Variants in CNTD1 observed in about 807,000 individuals in gnomAD.
CNTD1 encodes the protein cyclin N-terminal domain containing 1.
CNTD1 carries 17 observed loss-of-function variants against 36.3 expected under a neutral mutation model. The observed-to-expected ratio is 0.47, with a 90% confidence interval of 0.32 to 0.70. The LOEUF (loss-of-function observed/expected upper bound fraction) is 0.70. Ranked by LOEUF, CNTD1 falls within the 30% of genes least tolerant of loss-of-function variation. The probability of loss-of-function intolerance (pLI) is 0.03; values close to 1 mark genes in which losing one functional copy is unlikely to be tolerated. For synonymous variants in CNTD1, 128 were observed against 153.3 expected (o/e 0.83, Z 1.22); for missense variants, 338 against 386.1 (o/e 0.88, Z 1.04).
rs1010960271 is a variant in CNTD1 at position 42,811,389 on chromosome 17, C to T, written c.*1854C>T. On this transcript the variant is annotated 3_prime_UTR_variant, in exon 7 of 7. Coordinates refer to ENST00000588408, the MANE Select transcript of CNTD1 (RefSeq NM_173478.3). ...TCCAAGGGCTTCAGGGAAAAACCTT[C>T]TTGAAACTGGAGAGGAGGCTTGAGC... is the stretch of plus-strand genomic sequence containing the variant. The T allele has an allele frequency of 5.5e-6, 2 of 366,462 alleles. No individual in the cohort carries two copies. Among genetic ancestry groups the T allele is most frequent in the African/African-American group, 4.2e-5 (2 of 47,836 alleles). 22.7% of individuals were successfully genotyped at this position (366,462 alleles called of 1,614,324 possible).
At chr17:42,805,666 C>A in intron 3 of CNTD1, 56 bp from the exon 4 acceptor site, 1 of 1,493,702 alleles carries the variant, frequency 6.7e-7, no homozygotes, top group Non-Finnish European at 9.2e-7. Context: ...TGCACTCTGT[C>A]AAGACGTATG....
At chr17:42,803,337 G>C (rs2054825099) in intron 1 of CNTD1, among the ~76,000 whole-genome samples, 1 of 152,198 alleles carries the variant, frequency 6.6e-6, no homozygotes, top group Non-Finnish European at 1.5e-5. Context: ...TGTGTAACTG[G>C]CCAAGCCTTT....
intron 5 of CNTD1, among the ~76,000 whole-genome samples, chr17:42,807,346 C>T (rs1052088159): frequency 2.0e-5 from 3 of 151,796 alleles, no homozygotes; most frequent in African/African-American, 4.8e-5. Flanking sequence ...ACCCAGGAGG[C>T]GGAGCTTGCA....
intron 6 of CNTD1, among the ~76,000 whole-genome samples, chr17:42,809,121 C>T (rs1282268284): frequency 1.3e-5 from 2 of 152,212 alleles, no homozygotes; most frequent in Non-Finnish European, 2.9e-5. Flanking sequence ...GCCCAAATAT[C>T]ATTCTTATAT....
Position 42,798,982 on chromosome 17 carries a change from G to C in CNTD1, c.-86G>C. 1 of 1,531,354 alleles carries C rather than the reference G, an allele frequency of 6.5e-7. No homozygotes were observed. 94.9% of individuals were successfully genotyped at this position (1,531,354 alleles called of 1,614,324 possible). On this transcript the variant is annotated 5_prime_UTR_variant, in exon 1 of 7. Coordinates refer to ENST00000588408, the MANE Select transcript of CNTD1 (RefSeq NM_173478.3). ...CATTGGAAGGGGACGAGGAATCCAG[G>C]GTGTGGCAGAAGACTGGAGAGGAGC...
At chr17:42,800,106 A>AAATAGAGAT (rs2054754024) in intron 1 of CNTD1, among the ~76,000 whole-genome samples, 1 of 151,672 alleles carries the variant, frequency 6.6e-6, no homozygotes, top group Non-Finnish European at 1.5e-5. Flanking sequence ...AAGAAAGATG[A>AAATAGAGAT]AATAGAGATA....
Position 42,798,890 on chromosome 17 carries a change from A to C in CNTD1, c.-178A>C. On this transcript the variant is annotated 5_prime_UTR_variant, in exon 1 of 7. Transcript: ENST00000588408. ...AGTCCGTGGCCGTTGGGGCGGGAAA[A>C]AGCTGTGGAGGGTTCGAGGCTGTGG... 4 of 1,440,856 alleles carry C rather than the reference A, an allele frequency of 2.8e-6. No homozygotes were observed. Among genetic ancestry groups the C allele is most frequent in the South Asian group, 3.0e-5 (2 of 67,186 alleles). 89.3% of individuals were successfully genotyped at this position (1,440,856 alleles called of 1,614,324 possible).
At chr17:42,803,348 T>C (rs1022741509) in intron 1 of CNTD1, among the ~76,000 whole-genome samples, 2 of 152,214 alleles carry the variant, frequency 1.3e-5, no homozygotes, top group African/African-American at 4.8e-5. Context: ...CCAAGCCTTT[T>C]ATCAGCTGAA....
chr17:42,803,539 G>T, intron 1 of CNTD1, 81 bp from the exon 2 acceptor site: 1 of 1,074,048 alleles, frequency 9.3e-7, no homozygotes. Context: ...GCCCCATCAC[G>T]GCTTTTACAC....
At chr17:42,800,090 A>AGG (rs1555546292) in intron 1 of CNTD1, among the ~76,000 whole-genome samples, 11,556 of 146,848 alleles carry the variant, frequency 0.079, 1,583 homozygotes, top group African/African-American at 0.27. Flanking sequence ...AAAAAAAAAA[A>AGG]GAGAAAAGAA....
chr17:42,809,841 G>T lies in CNTD1; in HGVS notation c.*306G>T. 1 of 231,484 alleles carries T rather than the reference G, an allele frequency of 4.3e-6. No homozygotes were observed. 14.3% of individuals were successfully genotyped at this position (231,484 alleles called of 1,614,324 possible). On this transcript the variant is annotated 3_prime_UTR_variant, in exon 7 of 7. Transcript: ENST00000588408. Reference sequence around the variant, plus strand: ...AGAGGAACATCAGGCATTGCAATCAGTATTAATCAGGGGCTCAAATACAGA... The same window carrying T: ...AGAGGAACATCAGGCATTGCAATCATTATTAATCAGGGGCTCAAATACAGA...
intron 6 of CNTD1, 101 bp downstream of exon 6, chr17:42,807,965 C>G: frequency 1.1e-6 from 1 of 870,706 alleles, no homozygotes; most frequent in Admixed American, 2.1e-5. Context: ...ACAGAAGTGC[C>G]AAGACCCAGG....
At chr17:42,805,539 A>G in intron 3 of CNTD1, 183 bp from the exon 4 acceptor site, 3 of 493,126 alleles carry the variant, frequency 6.1e-6, no homozygotes. Context: ...TTGGAGAGGG[A>G]CAGCATGGTG....
rs202242702 is a variant in CNTD1 at position 42,810,944 on chromosome 17, G to A, written c.*1409G>A. On this transcript the variant is annotated 3_prime_UTR_variant, in exon 7 of 7. Coordinates refer to ENST00000588408, the MANE Select transcript of CNTD1 (RefSeq NM_173478.3). The stretch of plus-strand genomic sequence containing the variant: ...CACATCCATCCTGCAGATGGACAGA[G>A]CAAAACTCATTAGTAACTGAGATCT... 45 of 1,569,060 alleles carry A rather than the reference G, an allele frequency of 2.9e-5. No homozygotes were observed. Among genetic ancestry groups the A allele is most frequent in the African/African-American group, 6.8e-5 (5 of 73,186 alleles).
chr17:42,798,797 C>T, upstream of CNTD1: 3 of 1,456,066 alleles, frequency 2.1e-6, no homozygotes, highest in Non-Finnish European at 2.7e-6. Context: ...GGGGCAGAGC[C>T]GCGGTTCCCG....
chr17:42,805,759 C>A lies in CNTD1; in HGVS notation c.455C>A (p.Ala152Asp), dbSNP rs200198064. The A allele has an allele frequency of 5.6e-6, 9 of 1,613,404 alleles. No homozygotes were observed. Among genetic ancestry groups the A allele is most frequent in the South Asian group, 1.1e-5 (1 of 90,974 alleles). Reference protein sequence around the residue: ...SNITVLNFLQALGYLHTKEEL... With the variant: ...SNITVLNFLQDLGYLHTKEEL... ...ATTACAGTCTTGAATTTCCTCCAGGCTCTAGGCTATCTACACACTAAAGAA... is the reference window on the plus strand; with the variant it reads ...ATTACAGTCTTGAATTTCCTCCAGGATCTAGGCTATCTACACACTAAAGAA... Residue 152 changes from alanine (A) to aspartate (D), a missense_variant, in exon 4 of 7, where the codon GCT (alanine) becomes GAT (aspartate). Ala to Asp is a moderately radical substitution (Grantham distance 126, BLOSUM62 -2). Coordinates refer to ENST00000588408, the MANE Select transcript of CNTD1 (RefSeq NM_173478.3).
chr17:42,806,625 G>C (rs777712772), intron 4 of CNTD1, 49 bp from the exon 5 acceptor site: 31 of 1,575,064 alleles, frequency 2.0e-5, no homozygotes, highest in Admixed American at 1.8e-4. Context: ...GTTATGATCA[G>C]AGAAGACATG....
In CNTD1 at chr17:42,810,566, T is replaced by C; in HGVS notation, c.*1031T>C. Reference sequence around the variant, plus strand: ...ATCAAAACTGACCAGGGCTGGCAACTATAGATGGCATGTTGTAGCTCTGGA... The same window carrying C: ...ATCAAAACTGACCAGGGCTGGCAACCATAGATGGCATGTTGTAGCTCTGGA... On this transcript the variant is annotated 3_prime_UTR_variant, in exon 7 of 7. Transcript: ENST00000588408. The C allele has an allele frequency of 2.0e-6, 1 of 500,848 alleles. No individual in the cohort carries two copies. The highest frequency in any genetic ancestry group is 3.3e-6 in the Non-Finnish European group (1 of 305,540). The allele number at this position is 500,848 out of a possible 1,614,324, so 31.0% of individuals were successfully genotyped here.
chr17:42,798,800 G>T (rs757179702), upstream of CNTD1: 1 of 1,455,372 alleles, frequency 6.9e-7, no homozygotes, highest in Non-Finnish European at 9.0e-7. Flanking sequence ...GCAGAGCCGC[G>T]GTTCCCGGGC....
Sources: allele counts gnomAD v4.1 joint callset (sites outside exome capture counted in the v4.1 genomes callset), GRCh38; gene constraint gnomAD v4.1.1; transcripts MANE v1.5; gene names NCBI Gene and HGNC (gene_info 2026-07-23, HGNC 2026-07-21).